Variants in GRTP1 observed in about 807,000 individuals in gnomAD.
The protein encoded by GRTP1 is growth hormone-regulated TBC protein 1.
A neutral mutation model predicts 38.1 loss-of-function variants in GRTP1; 56 were observed. That is an observed-to-expected ratio of 1.47 (90% confidence interval 1.19 to 1.84). The LOEUF is 1.84. GRTP1 is among the 40% of genes most tolerant of loss of function. GRTP1 has a pLI of 0.00. For missense variants in GRTP1, 506 were observed against 453.9 expected (o/e 1.11, Z -1.04); for synonymous variants, 217 against 189.5 (o/e 1.14, Z -1.19).
intron 4 of GRTP1, among the ~76,000 whole-genome samples, chr13:113,346,105 A>ACAGTG (rs2043111817): frequency 2.2e-5 from 2 of 91,288 alleles, no homozygotes; most frequent in Non-Finnish European, 4.3e-5. Flanking sequence ...TCTGTGGCCG[A>ACAGTG]GAACAGACCC....
chr13:113,342,359 T>G lies in GRTP1; in HGVS notation c.562+2504A>C, dbSNP rs1379673285. 6.6e-6 allele frequency among the ~76,000 whole-genome samples: 1 copy of G among 151,812 alleles called. No individual in the cohort carries two copies. Among genetic ancestry groups the G allele is most frequent in the East Asian group, 1.9e-4 (1 of 5,140 alleles). ...TCTCTACTAAAAATACAAAAAAAAATTGGCCAGGCGTAGTGGCGGGCGCCT... is the reference window on the plus strand; with the variant it reads ...TCTCTACTAAAAATACAAAAAAAAAGTGGCCAGGCGTAGTGGCGGGCGCCT... On this transcript the variant is annotated intron_variant, in intron 5 of 7. Coordinates refer to ENST00000375431, the MANE Select transcript of GRTP1 (RefSeq NM_024719.4). This position sits in a 1 kb window ranked among gnomAD's most constrained non-coding sequence, Gnocchi z 4.5.
At chr13:113,341,706 T>C (rs1360422921) in intron 5 of GRTP1, among the ~76,000 whole-genome samples, 1 of 152,242 alleles carries the variant, frequency 6.6e-6, no homozygotes, top group Non-Finnish European at 1.5e-5. Flanking sequence ...TGTATGTTTA[T>C]ATCGGTCTAT....
Position 113,329,541 on chromosome 13 carries a change from G to A in GRTP1, c.563-3450C>T, listed in dbSNP as rs555227838. Among the ~76,000 whole-genome samples, 28 of 152,264 alleles carry A rather than the reference G, an allele frequency of 1.8e-4. No individual in the cohort carries two copies. The East Asian group carries it at 2.9e-3, about 16-fold the overall frequency. ...GAAGGTTGCAGTGAGCCGAGATCGT[G>A]CCACTGCACTCCAGCCTGGGCAACA... On this transcript the variant is annotated intron_variant, in intron 5 of 7. Transcript: ENST00000375431.
chr13:113,339,382 C>A (rs1185751302), intron 5 of GRTP1: 1 of 152,326 alleles, frequency 6.6e-6, no homozygotes, highest in African/African-American at 2.4e-5. Context: ...ATTATCAATG[C>A]CTTTTATACT....
intron 5 of GRTP1, among the ~76,000 whole-genome samples, chr13:113,344,187 G>A (rs2043065244): frequency 6.6e-6 from 1 of 152,056 alleles, no homozygotes; most frequent in Admixed American, 6.5e-5. Context: ...AACCAAGATA[G>A]CCTCTCAGAG....
intron 5 of GRTP1, among the ~76,000 whole-genome samples, chr13:113,334,280 A>ACTGCCCCCCCCCCCCCCCCCC (rs1202504022): frequency 1.4e-5 from 2 of 142,460 alleles, no homozygotes; most frequent in Non-Finnish European, 1.5e-5. Flanking sequence ...CACTGCCACG[A>ACTGCCCCCCCCCCCCCCCCCC]CAGCCTCCCG....
chr13:113,359,952 A>G (rs2043465242), intron 2 of GRTP1: 1 of 152,256 alleles, frequency 6.6e-6, no homozygotes, highest in Non-Finnish European at 1.5e-5. Flanking sequence ...AGTATAAAAT[A>G]TCAAGTCAAA....
rs1186259985 is a variant in GRTP1 at position 113,326,084 on chromosome 13, G to T, written c.570C>A (p.Tyr190Ter). 8.7e-6 allele frequency: 14 copies of T among 1,608,334 alleles called. No individual in the cohort carries two copies. In the Admixed American group the frequency reaches 2.3e-4, roughly 27 times the overall value. ...ALVGRILPDYYSPAMLGLKTD... is the reference protein window; with the variant it reads ...ALVGRILPDY ...TCTTCAGGCCCAGCATGGCCGGGCT[G>T]TAGTAATCTGCCAGGCAATGTGGAG... Residue 190 changes from tyrosine (Y) to a stop codon, truncating the protein, a stop_gained, in exon 6 of 8, where the codon TAC becomes TAA. Coordinates refer to ENST00000375431, the MANE Select transcript of GRTP1 (RefSeq NM_024719.4). LOFTEE classifies it high-confidence loss of function.
Position 113,325,742 on chromosome 13 carries a change from G to A in GRTP1, c.840C>T (p.Ala280=). 6.2e-7 allele frequency: 1 copy of A among 1,614,182 alleles called. No individual in the cohort carries two copies. The highest frequency in any genetic ancestry group is 8.5e-7 in the Non-Finnish European group (1 of 1,180,022). Residue 280 remains alanine (A), a synonymous_variant, in exon 7 of 8, where the codon GCC becomes GCT. Transcript: ENST00000375431. ...IKQHQELILE[A]TSVPDICDKF... Reference sequence around the variant, plus strand: ...TATCGCAAATGTCTGGAACGCTGGTGGCTTCCAAAATCAACTCCTGGTGCT... The same window carrying A: ...TATCGCAAATGTCTGGAACGCTGGTAGCTTCCAAAATCAACTCCTGGTGCT...
At chr13:113,340,149 C>A (rs1000125609) in intron 5 of GRTP1, among the ~76,000 whole-genome samples, 5 of 150,880 alleles carry the variant, frequency 3.3e-5, no homozygotes, top group African/African-American at 1.2e-4. Flanking sequence ...GCTGGGACCG[C>A]AGGCATGCAC....
intron 5 of GRTP1, among the ~76,000 whole-genome samples, chr13:113,336,414 T>C (rs989029472): frequency 1.3e-5 from 2 of 151,716 alleles, no homozygotes; most frequent in African/African-American, 4.9e-5. Context: ...AGTCCTCCTC[T>C]GAAAGCAAAG....
intron 2 of GRTP1, among the ~76,000 whole-genome samples, chr13:113,356,421 A>C (rs58518538): frequency 0.43 from 64,636 of 151,830 alleles, 14,245 homozygotes; most frequent in East Asian, 0.67. Context: ...GCACCTGCCA[A>C]CATGCCTGGC....
At chr13:113,350,328 G>A (rs1012160750) in intron 4 of GRTP1, among the ~76,000 whole-genome samples, 4 of 152,110 alleles carry the variant, frequency 2.6e-5, no homozygotes, top group East Asian at 1.9e-4. Context: ...TTCACACCAC[G>A]GAGCCAGCCA....
Position 113,349,013 on chromosome 13 carries a change from G to C in GRTP1, c.465+1836C>G, listed in dbSNP as rs1201056219. Among the ~76,000 whole-genome samples, 2 of 152,196 alleles carry C rather than the reference G, an allele frequency of 1.3e-5. No individual in the cohort carries two copies. The highest frequency in any genetic ancestry group is 2.9e-5 in the Non-Finnish European group (2 of 68,038). On this transcript the variant is annotated intron_variant, in intron 4 of 7. Transcript: ENST00000375431. This position sits in a 1 kb window ranked among gnomAD's most constrained non-coding sequence, Gnocchi z 5.0. ...AAAGCCAGCTGTGCTCTGGCATTCT[G>C]TTAGTATGTAACATTGTGTTTGTGC...
At chr13:113,345,487 A>G (rs928219196) in intron 4 of GRTP1, among the ~76,000 whole-genome samples, 2 of 152,384 alleles carry the variant, frequency 1.3e-5, no homozygotes, top group East Asian at 1.9e-4. Context: ...CATCGAGGGC[A>G]GCCCCAGACC....
In GRTP1 at chr13:113,364,111, C is replaced by T; in HGVS notation, c.-60G>A. 1 of 1,200,532 alleles carries T rather than the reference C, an allele frequency of 8.3e-7. No homozygotes were observed. The allele number at this position is 1,200,532 out of a possible 1,614,324, so 74.4% of individuals were successfully genotyped here. A position where few individuals can be genotyped will look rare whatever the true frequency, so the allele number is the denominator to read the frequency against. ...GGGTCCCAAGTTCGCCTCCCGGCTC[C>T]GGGGCGCTTAAGTCCTTCCGGCGGG... On this transcript the variant is annotated 5_prime_UTR_variant, in exon 1 of 8. Transcript: ENST00000375431.
rs1396470398 is a variant in GRTP1, at chr13:113,349,082, G to C, written c.465+1767C>G. On this transcript the variant is annotated intron_variant, in intron 4 of 7. Coordinates refer to ENST00000375431, the MANE Select transcript of GRTP1 (RefSeq NM_024719.4). The surrounding 1 kb of genome is among the most constrained non-coding windows in gnomAD (Gnocchi z 5.0). ...AGATGGGGTCTTGCTCTATTGCCCA[G>C]GCTGGTCTTGAACTCTTGGCCTCAA... Among the ~76,000 whole-genome samples the C allele has an allele frequency of 6.6e-6, 1 of 152,192 alleles. No individual in the cohort carries two copies. Among genetic ancestry groups the C allele is most frequent in the East Asian group, 1.9e-4 (1 of 5,194 alleles).
chr13:113,346,199 CAGACCCGGGAGGACCTCTGTGGCT>C (rs2043120859), intron 4 of GRTP1, among the ~76,000 whole-genome samples: 3 of 83,256 alleles, frequency 3.6e-5, no homozygotes, highest in Non-Finnish European at 7.0e-5. Flanking sequence ...TGGCTGAGAG[CAGACCCGGGAGGACCTCTGTGGCT>C]GAGAACAGAC....
rs80281371 is a variant in GRTP1, at chr13:113,333,125, G to A, written c.563-7034C>T. Among the ~76,000 whole-genome samples, 545 of 152,338 alleles carry A rather than the reference G, an allele frequency of 3.6e-3. 16 individuals are homozygous for A. In the East Asian group the frequency reaches 0.075, roughly 21 times the overall value. ...AAATTTCGAGGAGAGGGGCCCAGCC[G>A]GAGGGCGCTGGGGTATCCTCATCAG... On this transcript the variant is annotated intron_variant, in intron 5 of 7. Coordinates refer to ENST00000375431, the MANE Select transcript of GRTP1 (RefSeq NM_024719.4).
Sources: gnomAD v4.1 joint callset for allele counts (sites outside exome capture counted in the v4.1 genomes callset) on GRCh38, gnomAD v4.1.1 for gene constraint, Gnocchi (gnomAD v3.1) non-coding constraint, MANE v1.5 for transcripts, NCBI Gene and HGNC (gene_info 2026-07-23, HGNC 2026-07-21) for gene names.